Variants in GCA observed in about 807,000 individuals in gnomAD.
GCA encodes the protein grancalcin, EF-hand calcium-binding protein.
A neutral mutation model predicts 32.6 loss-of-function variants in GCA; 30 were observed. The ratio of observed to expected loss-of-function variants is 0.92; its 90% confidence interval spans 0.69 to 1.25. The LOEUF is 1.25. GCA is among the 50% of genes most tolerant of loss of function. The pLI is 0.00. For synonymous variants in GCA, 102 were observed against 84.6 expected (o/e 1.21, Z -1.13); for missense variants, 291 against 266.8 (o/e 1.09, Z -0.63).
In GCA at chr2:162,356,774, A is replaced by G; in HGVS notation, c.323A>G (p.Lys108Arg). ...AACTATCAGAGAGATCACACAGGAA[A>G]AATGGGATTTAATGCATTCAAAGAG... ...IAMLDRDHTG[K>R]MGFNAFKELW... Residue 108 changes from lysine (K) to arginine (R), a missense_variant, in exon 5 of 8, where the codon AAA (lysine) becomes AGA (arginine). By Grantham distance (26) the Lys-to-Arg change is conservative. Coordinates refer to ENST00000437150, the MANE Select transcript of GCA (RefSeq NM_012198.5). The G allele has an allele frequency of 6.2e-7, 1 of 1,607,006 alleles. No homozygotes were observed. Among genetic ancestry groups the G allele is most frequent in the Admixed American group, 1.7e-5 (1 of 59,342 alleles).
downstream of GCA, among the ~76,000 whole-genome samples, chr2:162,372,400 G>T (rs1685985645): frequency 6.6e-6 from 1 of 151,962 alleles, no homozygotes; most frequent in Admixed American, 6.6e-5. Context: ...CGAAATTTAA[G>T]ACAAATTGGG....
At chr2:162,340,784 T>G (rs114927860), upstream of GCA, among the ~76,000 whole-genome samples, 3,081 of 152,254 alleles carry the variant, frequency 0.02, 116 homozygotes, top group African/African-American at 0.071. Context: ...CAGGCAGGGT[T>G]TTGCTTTAGG....
intron 1 of GCA, among the ~76,000 whole-genome samples, chr2:162,320,944 C>T (rs1185816921): frequency 6.6e-6 from 1 of 152,182 alleles, no homozygotes; most frequent in Non-Finnish European, 1.5e-5. Flanking sequence ...CCTCCTCTAA[C>T]CCTATTAGCA....
At chr2:162,353,358 C>T (rs1685097959) in intron 3 of GCA, among the ~76,000 whole-genome samples, 1 of 152,088 alleles carries the variant, frequency 6.6e-6, no homozygotes, top group South Asian at 2.1e-4. Context: ...GTCCCAGCTA[C>T]TCGGGAGACT....
intron 2 of GCA, among the ~76,000 whole-genome samples, chr2:162,349,518 GT>G (rs954406363): frequency 6.0e-5 from 9 of 150,818 alleles, no homozygotes; most frequent in African/African-American, 2.2e-4. Context: ...TAAGATGTGT[GT>G]TTTTTTTTCT....
At chr2:162,374,214 A>C (rs1256471832), downstream of GCA, among the ~76,000 whole-genome samples, 1 of 152,166 alleles carries the variant, frequency 6.6e-6, no homozygotes, top group East Asian at 1.9e-4. Flanking sequence ...TTAAATGTTA[A>C]ATTCTTTTTC....
intron 2 of GCA, among the ~76,000 whole-genome samples, chr2:162,349,594 G>T (rs1178237423): frequency 6.6e-6 from 1 of 152,042 alleles, no homozygotes; most frequent in Non-Finnish European, 1.5e-5. Flanking sequence ...TGTGGTTATG[G>T]AATACAGTGG....
chr2:162,348,165 T>C (rs992134364), intron 2 of GCA, among the ~76,000 whole-genome samples: 6 of 152,176 alleles, frequency 3.9e-5, no homozygotes, highest in Admixed American at 1.3e-4. Context: ...AGGAGCATCA[T>C]ACTCTCCCTG....
In GCA at chr2:162,362,831, A is replaced by C. The variant is rs2105361255; in HGVS notation, c.*2588A>C. On this transcript the variant is annotated 3_prime_UTR_variant, in exon 8 of 8. Coordinates refer to ENST00000437150, the MANE Select transcript of GCA (RefSeq NM_012198.5). ...GGTAAATCAATAGTATGGAAATCTT[A>C]ATTTGGTCCACTTTAAATGTAATTT... Among the ~76,000 whole-genome samples the C allele has an allele frequency of 6.6e-6, 1 of 151,522 alleles. No individual in the cohort carries two copies. Among genetic ancestry groups the C allele is most frequent in the Non-Finnish European group, 1.5e-5 (1 of 67,528 alleles).
At chr2:162,357,175 T>TA (rs1685322435) in intron 5 of GCA, among the ~76,000 whole-genome samples, 1 of 151,892 alleles carries the variant, frequency 6.6e-6, no homozygotes, top group South Asian at 2.1e-4. Flanking sequence ...TGTTAGTACT[T>TA]ACCAGTTAGA....
intron 2 of GCA, 118 bp downstream of exon 2, chr2:162,347,860 A>T: frequency 1.9e-6 from 1 of 529,142 alleles, no homozygotes; most frequent in Non-Finnish European, 3.0e-6. Flanking sequence ...ATGTATCTAG[A>T]CTAATTTTTT....
rs1685565635 is a variant in GCA, at chr2:162,361,405, C to G, written c.*1162C>G. ...CTGTCTTAGTGAAGATTTAATAAAC[C>G]ACTTATTTTTCTTATGCTTTAAATG... On this transcript the variant is annotated 3_prime_UTR_variant, in exon 8 of 8. Transcript: ENST00000437150. 1.0e-6 allele frequency: 1 copy of G among 978,214 alleles called. No individual in the cohort carries two copies. Among genetic ancestry groups the G allele is most frequent in the African/African-American group, 1.8e-5 (1 of 56,974 alleles). The allele number at this position is 978,214 out of a possible 1,614,324, so 60.6% of individuals were successfully genotyped here.
At chr2:162,367,255 C>G (rs1685781073), downstream of GCA, among the ~76,000 whole-genome samples, 1 of 151,884 alleles carries the variant, frequency 6.6e-6, no homozygotes, top group Non-Finnish European at 1.5e-5. Context: ...AGAGCTTAGC[C>G]AGTTTAAGAC....
At chr2:162,350,367 A>G (rs1684930871) in intron 2 of GCA, among the ~76,000 whole-genome samples, 2 of 152,166 alleles carry the variant, frequency 1.3e-5, no homozygotes, top group African/African-American at 4.8e-5. Flanking sequence ...GACTGATGAC[A>G]TGTCTAAGTT....
At chr2:162,325,541 C>G (rs1683843742) in intron 1 of GCA, among the ~76,000 whole-genome samples, 1 of 152,158 alleles carries the variant, frequency 6.6e-6, no homozygotes, top group South Asian at 2.1e-4. Flanking sequence ...TCATCAAATT[C>G]CTGTCCTACA....
chr2:162,341,272 T>C (rs1442863594), upstream of GCA, among the ~76,000 whole-genome samples: 1 of 110,638 alleles, frequency 9.0e-6, no homozygotes, highest in Non-Finnish European at 1.6e-5. Flanking sequence ...TTATTTTATA[T>C]ATATATATAT....
At chr2:162,333,067 C>T (rs1213769906) in intron 1 of GCA, among the ~76,000 whole-genome samples, 1 of 152,008 alleles carries the variant, frequency 6.6e-6, no homozygotes, top group African/African-American at 2.4e-5. Context: ...TCTTAGACTG[C>T]CTCATATTTA....
intron 1 of GCA, among the ~76,000 whole-genome samples, chr2:162,326,221 A>G (rs959812237): frequency 1.3e-5 from 2 of 152,230 alleles, no homozygotes; most frequent in Non-Finnish European, 1.5e-5. Flanking sequence ...AAGCTTGCAC[A>G]TATGGGACCT....
At chr2:162,347,121 A>C (rs770427558) in intron 1 of GCA, among the ~76,000 whole-genome samples, 2 of 152,226 alleles carry the variant, frequency 1.3e-5, no homozygotes, top group Non-Finnish European at 2.9e-5. Flanking sequence ...AAGTTTAAAT[A>C]GTTGTAAAGA....
Sources: gnomAD v4.1 joint callset for allele counts (sites outside exome capture counted in the v4.1 genomes callset) on GRCh38, gnomAD v4.1.1 for gene constraint, MANE v1.5 for transcripts, NCBI Gene and HGNC (gene_info 2026-07-23, HGNC 2026-07-21) for gene names.